INCENP: variants seen among roughly 807,000 people sequenced by gnomAD.
The protein encoded by INCENP is inner centromere protein.
INCENP carries 43 observed loss-of-function variants against 107.3 expected under a neutral mutation model. That is an observed-to-expected ratio of 0.40 (90% confidence interval 0.31 to 0.52). INCENP has a LOEUF of 0.52. Among genes scored for constraint, INCENP ranks in the 20% least tolerant of loss-of-function variants. The probability of loss-of-function intolerance (pLI) is 0.53; values close to 1 mark genes in which losing one functional copy is unlikely to be tolerated. For missense variants in INCENP, 1,089 were observed against 1,250.9 expected (o/e 0.87, Z 1.95); for synonymous variants, 488 against 494.4 (o/e 0.99, Z 0.17).
chr11:62,140,184 C>G (rs761435367), intron 7 of INCENP, 50 bp from the exon 8 acceptor site: 94 of 1,573,700 alleles, frequency 6.0e-5, no homozygotes, highest in Non-Finnish European at 7.9e-5. Flanking sequence ...CATTCCCACC[C>G]TGCCGCCGCC....
chr11:62,145,788 G>A (rs370341188), intron 14 of INCENP, 37 bp downstream of exon 14: 59 of 1,540,260 alleles, frequency 3.8e-5, no homozygotes, highest in East Asian at 9.8e-5. Context: ...GGAGGTGGGC[G>A]GGGTGGGCGC....
At chr11:62,142,078 A>T (rs1944136927) in intron 11 of INCENP, among the ~76,000 whole-genome samples, 1 of 152,178 alleles carries the variant, frequency 6.6e-6, no homozygotes, top group African/African-American at 2.4e-5. Context: ...CTCAGAGCTG[A>T]GCCGAGCCAG....
rs1395861234 is a variant in INCENP, at chr11:62,147,018, G to A, written c.2204+116G>A. On this transcript the variant is annotated intron_variant, in intron 15 of 18. Transcript: ENST00000394818. ...TGACGGTTTGCAGGTGCTTTCCTTGGCACCAAACCCAGAGGCCCACCTGAA... is the reference window on the plus strand; with the variant it reads ...TGACGGTTTGCAGGTGCTTTCCTTGACACCAAACCCAGAGGCCCACCTGAA... 19 of 1,493,954 alleles carry A rather than the reference G, an allele frequency of 1.3e-5. No individual in the cohort carries two copies. In the East Asian group the frequency reaches 4.1e-4, roughly 32 times the overall value. 92.5% of individuals were successfully genotyped at this position (1,493,954 alleles called of 1,614,324 possible).
intron 4 of INCENP, among the ~76,000 whole-genome samples, chr11:62,132,507 C>T (rs889127165): frequency 2.6e-5 from 4 of 152,232 alleles, no homozygotes; most frequent in African/African-American, 9.7e-5. Flanking sequence ...TCTGGATTCT[C>T]AGAAGGATCT....
At chr11:62,137,807 T>G (rs1661887440) in intron 4 of INCENP, 25 bp from the exon 5 acceptor site, 1 of 1,612,676 alleles carries the variant, frequency 6.2e-7, no homozygotes, top group Non-Finnish European at 8.5e-7. Flanking sequence ...GATGAGATCT[T>G]TTGTGCCTTT....
chr11:62,130,872 G>C (rs914430599), intron 4 of INCENP, among the ~76,000 whole-genome samples: 3 of 152,198 alleles, frequency 2.0e-5, no homozygotes, highest in African/African-American at 7.2e-5. Flanking sequence ...CTTCCACGTT[G>C]GATGGTGCAG....
At chr11:62,137,701 T>C in intron 4 of INCENP, 131 bp from the exon 5 acceptor site, 1 of 781,652 alleles carries the variant, frequency 1.3e-6, no homozygotes, top group South Asian at 1.5e-5. Flanking sequence ...GTCCTGGGCA[T>C]GGTGGGGGCT....
intron 11 of INCENP, among the ~76,000 whole-genome samples, chr11:62,142,407 C>T (rs1174958288): frequency 2.0e-5 from 3 of 152,186 alleles, no homozygotes; most frequent in South Asian, 4.1e-4. Context: ...CCACCTGTGC[C>T]GATTAGAGCC....
At chr11:62,136,637 C>T (rs566052293) in intron 4 of INCENP, among the ~76,000 whole-genome samples, 8 of 151,960 alleles carry the variant, frequency 5.3e-5, no homozygotes, top group African/African-American at 1.5e-4. Flanking sequence ...GCTGAGATTG[C>T]GCCACTGCAT....
In INCENP at chr11:62,134,402, T is replaced by TAA. The variant is rs71053016; in HGVS notation, c.1064-3413_1064-3412dup. On this transcript the variant is annotated intron_variant, in intron 4 of 18. Transcript: ENST00000394818. ...CACTCCAGACAGAGTGAGACTCTGT[T>TAA]AAAAAAAAAAAAAAAAAAGCTTTGA... is the stretch of plus-strand genomic sequence containing the variant. Among the ~76,000 whole-genome samples the TAA allele has an allele frequency of 6.9e-3, 885 of 128,356 alleles. 22 individuals carry two copies. The highest frequency in any genetic ancestry group is 0.04 in the East Asian group (157 of 3,968). The allele number at this position is 128,356 out of a possible 152,430, so 84.2% of individuals were successfully genotyped here.
intron 11 of INCENP, among the ~76,000 whole-genome samples, chr11:62,143,434 G>A (rs143693829): frequency 1.3e-5 from 2 of 152,140 alleles, no homozygotes; most frequent in East Asian, 3.9e-4. Flanking sequence ...GAGTTAGGCT[G>A]GAGAAAAACA....
At chr11:62,139,128 A>G in intron 7 of INCENP, 123 bp downstream of exon 7, 1 of 697,412 alleles carries the variant, frequency 1.4e-6, no homozygotes, top group Non-Finnish European at 2.5e-6. Context: ...CTAAAGAGAA[A>G]TTAAACCTGG....
intron 4 of INCENP, 58 bp from the exon 5 acceptor site, chr11:62,137,774 A>G: frequency 6.5e-7 from 1 of 1,531,336 alleles, no homozygotes; most frequent in Non-Finnish European, 9.1e-7. Flanking sequence ...TGGACCCCTT[A>G]GAGTGGGACC....
intron 4 of INCENP, among the ~76,000 whole-genome samples, chr11:62,136,086 C>T (rs1351381101): frequency 6.6e-6 from 1 of 152,182 alleles, no homozygotes; most frequent in African/African-American, 2.4e-5. Context: ...CGTGAGCCAC[C>T]GCACCCGGCC....
intron 15 of INCENP, among the ~76,000 whole-genome samples, chr11:62,147,863 GT>G (rs1441142152): frequency 6.6e-6 from 1 of 152,182 alleles, no homozygotes; most frequent in Non-Finnish European, 1.5e-5. Flanking sequence ...GGCTTTGAGG[GT>G]GGCGGTGTGA....
At chr11:62,148,604 G>A in intron 16 of INCENP, 50 bp downstream of exon 16, 1 of 1,561,624 alleles carries the variant, frequency 6.4e-7, no homozygotes, top group Non-Finnish European at 8.7e-7. Context: ...CTGAGCTGTG[G>A]GCGGGTCTGG....
intron 2 of INCENP, 92 bp from the exon 3 acceptor site, chr11:62,128,678 C>T (rs529577557): frequency 2.2e-6 from 2 of 911,584 alleles, no homozygotes; most frequent in Non-Finnish European, 3.6e-6. Flanking sequence ...TGACCTGTCG[C>T]TGCCAGGAAA....
At chr11:62,137,928 G>T in intron 5 of INCENP, 45 bp downstream of exon 5, 1 of 1,541,810 alleles carries the variant, frequency 6.5e-7, no homozygotes, top group Non-Finnish European at 9.0e-7. Context: ...GGCATACCAG[G>T]ACAGGGAGCC....
chr11:62,142,897 C>G (rs112720982), intron 11 of INCENP, among the ~76,000 whole-genome samples: 1 of 152,210 alleles, frequency 6.6e-6, no homozygotes, highest in Non-Finnish European at 1.5e-5. Flanking sequence ...CAATAACCTG[C>G]AGCATCATTT....
Sources: allele counts gnomAD v4.1 joint callset (sites outside exome capture counted in the v4.1 genomes callset), GRCh38; gene constraint gnomAD v4.1.1; transcripts MANE v1.5; gene names NCBI Gene and HGNC (gene_info 2026-07-23, HGNC 2026-07-21).